EFR3A: variants seen among roughly 807,000 people sequenced by gnomAD.
The protein encoded by EFR3A is protein EFR3 homolog A.
EFR3A carries 76 observed loss-of-function variants against 104.4 expected under a neutral mutation model. That is an observed-to-expected ratio of 0.73 (90% confidence interval 0.60 to 0.88). The LOEUF (loss-of-function observed/expected upper bound fraction) is 0.88, where lower values mean the gene tolerates loss of function less well. Among genes scored for constraint, EFR3A ranks in the 40% least tolerant of loss-of-function variants. The pLI is 0.00. For synonymous variants in EFR3A, 330 were observed against 330.0 expected (o/e 1.00, Z 0.00); for missense variants, 985 against 1,012.5 (o/e 0.97, Z 0.37).
rs1306744050 is a variant in EFR3A, at chr8:131,975,935, C to T, written c.1160-92C>T. 4.3e-6 allele frequency: 3 copies of T among 702,364 alleles called. No homozygotes were observed. In the South Asian group the frequency reaches 5.3e-5, roughly 12 times the overall value. 43.5% of individuals were successfully genotyped at this position (702,364 alleles called of 1,614,324 possible). On this transcript the variant is annotated intron_variant, in intron 10 of 22. Transcript: ENST00000254624. The stretch of plus-strand genomic sequence containing the variant: ...ACAGACTTGTGAGGGATTGTTTTAC[C>T]ACATATTGAAAACTTTGGCTAAAAA...
At chr8:131,920,573 T>C (rs1816961773) in intron 1 of EFR3A, among the ~76,000 whole-genome samples, 2 of 152,194 alleles carry the variant, frequency 1.3e-5, no homozygotes, top group Admixed American at 6.6e-5. Flanking sequence ...TTCTGTACCA[T>C]CTGACTTAAG....
intron 14 of EFR3A, among the ~76,000 whole-genome samples, chr8:131,980,421 A>G (rs997608464): frequency 3.2e-4 from 49 of 152,282 alleles, no homozygotes; most frequent in African/African-American, 1.1e-3. Flanking sequence ...ACTGGTTAAT[A>G]AATAGGACAG....
chr8:131,956,018 A>G (rs2130630295), intron 7 of EFR3A, 113 bp downstream of exon 7: 4 of 1,226,534 alleles, frequency 3.3e-6, no homozygotes, highest in East Asian at 2.5e-5. Flanking sequence ...TATTAATGGA[A>G]CCAGTGTAAC....
chr8:131,949,771 C>A (rs982013076), intron 4 of EFR3A, among the ~76,000 whole-genome samples, 198 bp from the exon 5 acceptor site: 20 of 151,862 alleles, frequency 1.3e-4, no homozygotes, highest in African/African-American at 4.8e-4. Context: ...TATGATCACA[C>A]CACTGCACTG....
At chr8:131,921,404 T>C (rs1817018669) in intron 1 of EFR3A, among the ~76,000 whole-genome samples, 1 of 152,176 alleles carries the variant, frequency 6.6e-6, no homozygotes, top group Non-Finnish European at 1.5e-5. Flanking sequence ...ACTTGATTAC[T>C]ACTGCAAAGA....
intron 2 of EFR3A, among the ~76,000 whole-genome samples, chr8:131,942,232 TTAAAA>T (rs1348710640): frequency 1.3e-5 from 2 of 152,110 alleles, no homozygotes; most frequent in African/African-American, 4.8e-5. Flanking sequence ...ATAGCAATCT[TTAAAA>T]TAAGATTTTA....
At chr8:131,944,639 T>A in intron 2 of EFR3A, 106 bp from the exon 3 acceptor site, 1 of 1,104,796 alleles carries the variant, frequency 9.1e-7, no homozygotes, top group Non-Finnish European at 1.3e-6. Flanking sequence ...TACATAAATA[T>A]CGTTTAATCC....
intron 7 of EFR3A, among the ~76,000 whole-genome samples, chr8:131,957,816 A>G (rs1340254794): frequency 6.6e-6 from 1 of 152,208 alleles, no homozygotes; most frequent in Non-Finnish European, 1.5e-5. Context: ...GAAATTTTGA[A>G]TATCATATTT....
chr8:131,994,281 T>C (rs972314962), intron 18 of EFR3A, among the ~76,000 whole-genome samples: 4 of 151,688 alleles, frequency 2.6e-5, no homozygotes, highest in African/African-American at 9.7e-5. Flanking sequence ...AGATGAAGTG[T>C]TGCCACATGA....
chr8:131,927,235 A>C (rs938749137), intron 1 of EFR3A, among the ~76,000 whole-genome samples: 2 of 152,140 alleles, frequency 1.3e-5, no homozygotes, highest in Non-Finnish European at 2.9e-5. Context: ...TGAGGCTGGG[A>C]GGTAAGTTAG....
chr8:131,998,484 TTC>T (rs1345633687), intron 19 of EFR3A, among the ~76,000 whole-genome samples: 2 of 152,010 alleles, frequency 1.3e-5, no homozygotes, highest in Non-Finnish European at 2.9e-5. Flanking sequence ...CATAACAAAC[TTC>T]TGTTTCCCTA....
At chr8:131,982,265 C>A (rs1198403983) in intron 14 of EFR3A, among the ~76,000 whole-genome samples, 1 of 152,002 alleles carries the variant, frequency 6.6e-6, no homozygotes, top group African/African-American at 2.4e-5. Context: ...GTGAAAGGAA[C>A]CATACATTGT....
At chr8:131,956,247 A>G in intron 7 of EFR3A, among the ~76,000 whole-genome samples, 1 of 152,180 alleles carries the variant, frequency 6.6e-6, no homozygotes, top group East Asian at 1.9e-4. Flanking sequence ...ACTAACTTTC[A>G]TGGTCAGTTT....
chr8:131,966,361 A>G (rs1819738384), intron 8 of EFR3A, among the ~76,000 whole-genome samples: 1 of 152,164 alleles, frequency 6.6e-6, no homozygotes, highest in African/African-American at 2.4e-5. Context: ...TAATACATAT[A>G]TAGTACTTAG....
intron 1 of EFR3A, among the ~76,000 whole-genome samples, chr8:131,923,078 C>T (rs1817127747): frequency 1.3e-5 from 2 of 152,088 alleles, no homozygotes; most frequent in Non-Finnish European, 2.9e-5. Flanking sequence ...AAGCTGTATT[C>T]ACAGGTTTTG....
intron 1 of EFR3A, among the ~76,000 whole-genome samples, chr8:131,912,363 T>C (rs935356417): frequency 2.0e-5 from 3 of 152,148 alleles, no homozygotes; most frequent in Non-Finnish European, 4.4e-5. Flanking sequence ...AAAAAAGATA[T>C]TATTTACAGC....
rs190463522 is a variant in EFR3A at position 132,011,071 on chromosome 8, G to A, written c.*176G>A. On this transcript the variant is annotated 3_prime_UTR_variant, in exon 23 of 23. Coordinates refer to ENST00000254624, the MANE Select transcript of EFR3A (RefSeq NM_015137.6). ...AAGTTTTGGAGCTATATATAATTTC[G>A]AGTACTTTCAAAGATAGATTTATGC... The A allele has an allele frequency of 3.0e-3, 3,719 of 1,257,588 alleles. 12 individuals carry two copies. Among genetic ancestry groups the A allele is most frequent in the Admixed American group, 6.9e-3 (200 of 28,912 alleles). The allele number at this position is 1,257,588 out of a possible 1,614,324, so 77.9% of individuals were successfully genotyped here.
intron 19 of EFR3A, among the ~76,000 whole-genome samples, chr8:131,998,090 T>G (rs888140536): frequency 6.3e-4 from 96 of 152,086 alleles, no homozygotes; most frequent in African/African-American, 2.2e-3. Context: ...GTGTCACATT[T>G]GCTTGAGCAC....
chr8:132,010,407 G>GATAGAT (rs1554610359), intron 22 of EFR3A, among the ~76,000 whole-genome samples: 11 of 81,876 alleles, frequency 1.3e-4, no homozygotes, highest in Non-Finnish European at 2.7e-4. Context: ...TCAAGTATGA[G>GATAGAT]ATATATATAT....
Sources: gnomAD v4.1 joint callset for allele counts (sites outside exome capture counted in the v4.1 genomes callset) on GRCh38, gnomAD v4.1.1 for gene constraint, MANE v1.5 for transcripts, NCBI Gene and HGNC (gene_info 2026-07-23, HGNC 2026-07-21) for gene names.